The following PRKACB variants were observed in gnomAD, a reference collection of about 807,000 sequenced individuals.
The protein encoded by PRKACB is cAMP-dependent protein kinase catalytic subunit beta.
PRKACB carries 16 observed loss-of-function variants against 51.4 expected under a neutral mutation model. The observed-to-expected ratio is 0.31, with a 90% CI of 0.21 to 0.47. The LOEUF (loss-of-function observed/expected upper bound fraction) is 0.47, where lower values mean the gene tolerates loss of function less well. Among genes scored for constraint, PRKACB ranks in the 20% least tolerant of loss-of-function variants. The pLI is 1.00. For synonymous variants in PRKACB, 147 were observed against 154.4 expected (o/e 0.95, Z 0.35); for missense variants, 309 against 464.5 (o/e 0.67, Z 3.08).
chr1:84,180,208 A>G (rs1237240904), intron 2 of PRKACB, among the ~76,000 whole-genome samples: 13 of 129,942 alleles, frequency 1.0e-4, no homozygotes, highest in African/African-American at 3.0e-4. Context: ...ATATATATAT[A>G]TGTATGATGG....
intron 1 of PRKACB, chr1:84,157,389 C>A (rs540445294): frequency 1.3e-5 from 2 of 151,440 alleles, no homozygotes; most frequent in Non-Finnish European, 3.0e-5. Flanking sequence ...CATTTGACAA[C>A]TTTTTTTTTA....
chr1:84,235,509 C>T lies in PRKACB; in HGVS notation c.*204C>T. 1 of 595,318 alleles carries T rather than the reference C, an allele frequency of 1.7e-6. No homozygotes were observed. The highest frequency in any genetic ancestry group is 2.9e-6 in the Non-Finnish European group (1 of 346,642). The allele number at this position is 595,318 out of a possible 1,614,324, so 36.9% of individuals were successfully genotyped here. On this transcript the variant is annotated 3_prime_UTR_variant, in exon 10 of 10. Transcript: ENST00000370685. ...ACCGCTAAGCAAGCATTGTCTGTGC[C>T]ATAACACAGTACTAGACCACTTTCT...
upstream of PRKACB, chr1:84,078,087 T>TGCCACC: frequency 5.0e-6 from 2 of 400,324 alleles, no homozygotes; most frequent in Non-Finnish European, 8.6e-6. Context: ...CCACTGCTGC[T>TGCCACC]GCCACCGCCG....
intron 1 of PRKACB, among the ~76,000 whole-genome samples, chr1:84,100,403 G>T (rs897756092): frequency 6.6e-6 from 1 of 151,978 alleles, no homozygotes; most frequent in Non-Finnish European, 1.5e-5. Flanking sequence ...GGATCATCAA[G>T]AATAAAAAGA....
chr1:84,088,091 C>G (rs1013854790), intron 1 of PRKACB, among the ~76,000 whole-genome samples: 1 of 152,086 alleles, frequency 6.6e-6, no homozygotes, highest in Admixed American at 6.6e-5. Flanking sequence ...GAATCAAATT[C>G]GGGATTCTTA....
intron 2 of PRKACB, among the ~76,000 whole-genome samples, chr1:84,180,213 T>TA (rs1159141151): frequency 8.9e-5 from 11 of 123,138 alleles, no homozygotes; most frequent in Non-Finnish European, 1.4e-4. Flanking sequence ...TATATATGTA[T>TA]GATGGAGTAC....
chr1:84,103,220 T>A (rs769885193), intron 1 of PRKACB, among the ~76,000 whole-genome samples: 1 of 152,186 alleles, frequency 6.6e-6, no homozygotes, highest in Non-Finnish European at 1.5e-5. Context: ...AAGCATAGCA[T>A]ATTTCTTCAT....
chr1:84,204,541 AT>A, intron 8 of PRKACB: 1 of 1,597,108 alleles, frequency 6.3e-7, no homozygotes, highest in Non-Finnish European at 8.5e-7. Flanking sequence ...GCAGTGATTT[AT>A]TTTTGAAGAA....
At chr1:84,211,127 TCA>T (rs3051185) in intron 8 of PRKACB, among the ~76,000 whole-genome samples, 58,329 of 148,608 alleles carry the variant, frequency 0.39, 11,548 homozygotes, top group Non-Finnish European at 0.45. Context: ...CACTCCACTG[TCA>T]CACACACACA....
rs1653733131 is a variant in PRKACB, at chr1:84,144,280, G to A, written c.-82G>A. 1 of 1,559,082 alleles carries A rather than the reference G, an allele frequency of 6.4e-7. No homozygotes were observed. Among genetic ancestry groups the A allele is most frequent in the Non-Finnish European group, 8.6e-7 (1 of 1,159,946 alleles). On this transcript the variant is annotated 5_prime_UTR_variant, in exon 1 of 10. Coordinates refer to ENST00000370685, the MANE Select transcript of PRKACB (RefSeq NM_182948.4). ...AAACAGGAAGTTTGACACATGCATA[G>A]CTCTTAGCTTCTGTGTAAGAAGTTG... is the stretch of plus-strand genomic sequence containing the variant.
In PRKACB at chr1:84,214,082, CT is replaced by C. The variant is rs1357697762; in HGVS notation, c.907-68del. On this transcript the variant is annotated intron_variant, in intron 8 of 9. Coordinates refer to ENST00000370685, the MANE Select transcript of PRKACB (RefSeq NM_182948.4). ...ATGGCTTGTTGCCTTGAAAAAAAAACTTTATGAAATCAAAACAGAAATATCA... is the reference window on the plus strand; with the variant it reads ...ATGGCTTGTTGCCTTGAAAAAAAAACTTATGAAATCAAAACAGAAATATCA... 6 of 1,401,364 alleles carry C rather than the reference CT, an allele frequency of 4.3e-6. No individual in the cohort carries two copies. The East Asian group carries it at 1.3e-4, about 31-fold the overall frequency. The allele number at this position is 1,401,364 out of a possible 1,614,324, so 86.8% of individuals were successfully genotyped here.
chr1:84,118,423 T>C (rs1451604561), intron 1 of PRKACB, among the ~76,000 whole-genome samples: 4 of 152,294 alleles, frequency 2.6e-5, no homozygotes, highest in Admixed American at 2.6e-4. Flanking sequence ...AAATAGATAA[T>C]AGATAATATA....
In PRKACB at chr1:84,238,384, T is replaced by G. The variant is rs949530027; in HGVS notation, c.*3079T>G. The G allele has an allele frequency of 2.0e-5, 3 of 152,780 alleles. No homozygotes were observed. Among genetic ancestry groups the G allele is most frequent in the Non-Finnish European group, 4.4e-5 (3 of 68,028 alleles). The allele number at this position is 152,780 out of a possible 1,614,324, so 9.5% of individuals were successfully genotyped here. On this transcript the variant is annotated 3_prime_UTR_variant, in exon 10 of 10. Transcript: ENST00000370685. Reference sequence around the variant, plus strand: ...GTGTTGTTATTTCATTAATTACTTCTTTGTTTAGAATGGAATTTCCTATGC... The same window carrying G: ...GTGTTGTTATTTCATTAATTACTTCGTTGTTTAGAATGGAATTTCCTATGC...
intron 5 of PRKACB, among the ~76,000 whole-genome samples, chr1:84,192,410 G>A (rs1351951565): frequency 1.3e-5 from 2 of 151,956 alleles, no homozygotes; most frequent in East Asian, 1.9e-4. Flanking sequence ...TTAGTATAGG[G>A]ACAGTGTCCT....
intron 1 of PRKACB, among the ~76,000 whole-genome samples, chr1:84,129,314 T>G (rs1412668596): frequency 6.6e-6 from 1 of 152,052 alleles, no homozygotes; most frequent in Non-Finnish European, 1.5e-5. Flanking sequence ...AAACATGGAG[T>G]GTAATTGTGA....
At chr1:84,108,360 A>G (rs573124784) in intron 1 of PRKACB, among the ~76,000 whole-genome samples, 101 of 152,032 alleles carry the variant, frequency 6.6e-4, no homozygotes, top group African/African-American at 2.4e-3. Context: ...GTTCAGAAGA[A>G]AAAGAAGAAA....
intron 1 of PRKACB, among the ~76,000 whole-genome samples, chr1:84,146,140 G>A (rs1558018735): frequency 6.9e-6 from 1 of 145,470 alleles, no homozygotes; most frequent in African/African-American, 2.5e-5. Context: ...ATAAAATGCT[G>A]TTTTGTTTTT....
intron 9 of PRKACB, among the ~76,000 whole-genome samples, chr1:84,234,190 T>G (rs1311331397): frequency 2.0e-5 from 3 of 152,132 alleles, no homozygotes; most frequent in East Asian, 1.9e-4. Context: ...GTGTCAGTGT[T>G]CCCCTGCTGG....
At chr1:84,211,889 A>G (rs1459337327) in intron 8 of PRKACB, among the ~76,000 whole-genome samples, 1 of 152,192 alleles carries the variant, frequency 6.6e-6, no homozygotes, top group East Asian at 1.9e-4. Flanking sequence ...AAGTTCACAT[A>G]TCTTATTATT....
Sources: allele counts gnomAD v4.1 joint callset (sites outside exome capture counted in the v4.1 genomes callset), GRCh38; gene constraint gnomAD v4.1.1; transcripts MANE v1.5; gene names NCBI Gene and HGNC (gene_info 2026-07-23, HGNC 2026-07-21).